Variants in ASB11 observed in about 807,000 individuals in gnomAD.
The protein encoded by ASB11 is ankyrin repeat and SOCS box containing 11.
ASB11 carries 17 observed loss-of-function variants against 20.1 expected under a neutral mutation model. That is an observed-to-expected ratio of 0.85 (90% CI 0.58 to 1.27). The LOEUF (loss-of-function observed/expected upper bound fraction) is 1.27, where lower values mean the gene tolerates loss of function less well. Ranked by LOEUF, ASB11 falls within the 50% of genes most tolerant of loss-of-function variation. The pLI is 0.00. For synonymous variants in ASB11, 107 were observed against 105.6 expected (o/e 1.01, Z -0.08); for missense variants, 259 against 256.9 (o/e 1.01, Z -0.06).
chrX:15,298,493 G>C (rs1920989307), intron 2 of ASB11, among the ~76,000 whole-genome samples: 1 of 111,522 alleles, frequency 9.0e-6, no homozygotes, highest in African/African-American at 3.3e-5. Flanking sequence ...TTCCAAACAA[G>C]GAGGGCATGT....
At position 15,302,734 on chromosome X, in the gene ASB11, A is replaced by AGTTC. The variant is rs1264924237; in HGVS notation, c.254_255insGAAC (p.Ile85MetfsTer14). On this transcript the variant is annotated frameshift_variant, in exon 2 of 7. Coordinates refer to ENST00000480796, the MANE Select transcript of ASB11 (RefSeq NM_080873.3). LOFTEE classifies it high-confidence loss of function. ...AAGTCTTCAGTTCACTTACTTGTGC[A>AGTTC]ATTAAAGTTTTAAGGGCCAGTAAGC... 1 of 1,200,847 alleles carries AGTTC rather than the reference A, an allele frequency of 8.3e-7. No individual in the cohort carries two copies. Among genetic ancestry groups the AGTTC allele is most frequent in the African/African-American group, 1.8e-5 (1 of 57,080 alleles).
At chrX:15,293,412 C>A in intron 3 of ASB11, 92 bp from the exon 4 acceptor site, 5 of 1,000,088 alleles carry the variant, frequency 5.0e-6, no homozygotes, top group Non-Finnish European at 6.8e-6. Context: ...TAGAGGAATT[C>A]CCCACGCTGG....
At position 15,297,446 on chromosome X, in the gene ASB11, T is replaced by C. The variant is rs758496883; in HGVS notation, c.369+128A>G. 211 of 460,298 alleles carry C rather than the reference T, an allele frequency of 4.6e-4. No individual in the cohort carries two copies. The South Asian group carries it at 0.01, about 23-fold the overall frequency. The allele number at this position is 460,298 out of a possible 1,213,427, so 37.9% of individuals were successfully genotyped here. A position where few individuals can be genotyped will look rare whatever the true frequency, so the allele number is the denominator to read the frequency against. On this transcript the variant is annotated intron_variant, in intron 3 of 6. Transcript: ENST00000480796. ...GAGAGGAGTAGCCTAAATGATGGAATACGGACATGGATAGAACCAGCCCAG... is the reference window on the plus strand; with the variant it reads ...GAGAGGAGTAGCCTAAATGATGGAACACGGACATGGATAGAACCAGCCCAG...
chrX:15,305,941 A>G (rs951200183), intron 1 of ASB11, among the ~76,000 whole-genome samples: 1 of 110,618 alleles, frequency 9.0e-6, no homozygotes, highest in African/African-American at 3.3e-5. Context: ...CCACCCTCCA[A>G]TAGGCCCCAG....
chrX:15,314,809 T>C (rs1469974104), intron 1 of ASB11, among the ~76,000 whole-genome samples: 1 of 110,760 alleles, frequency 9.0e-6, no homozygotes, highest in Non-Finnish European at 1.9e-5. Flanking sequence ...TTGAAAGAAA[T>C]GGACACTATT....
chrX:15,306,234 T>C (rs1016433273), intron 1 of ASB11, among the ~76,000 whole-genome samples: 1 of 112,512 alleles, frequency 8.9e-6, no homozygotes, highest in East Asian at 2.8e-4. Flanking sequence ...AATGAACATA[T>C]GCACGTATGT....
In ASB11 at chrX:15,282,966, GTATATATATACGTA is replaced by G. The variant is rs1416244482; in HGVS notation, c.*525_*538del. 4.9e-5 allele frequency: 5 copies of G among 101,702 alleles called. No homozygotes were observed. Among genetic ancestry groups the G allele is most frequent in the South Asian group, 4.2e-4 (1 of 2,367 alleles). 8.4% of individuals were successfully genotyped at this position (101,702 alleles called of 1,213,427 possible). On this transcript the variant is annotated 3_prime_UTR_variant, in exon 7 of 7. Coordinates refer to ENST00000480796, the MANE Select transcript of ASB11 (RefSeq NM_080873.3). ...AATATATGAGTGCATGTGTGTGTGT[GTATATATATACGTA>G]TATATATATACGTATATGTATGTAT...
intron 3 of ASB11, among the ~76,000 whole-genome samples, chrX:15,296,664 G>C (rs1343333833): frequency 8.9e-6 from 1 of 112,070 alleles, no homozygotes; most frequent in Non-Finnish European, 1.9e-5. Flanking sequence ...CGCTCATTTT[G>C]ATAATTTTGC....
At chrX:15,290,176 C>G (rs1927497349) in intron 4 of ASB11, among the ~76,000 whole-genome samples, 2 of 111,644 alleles carry the variant, frequency 1.8e-5, no homozygotes. Flanking sequence ...CACTCCAGCT[C>G]CTCTTTACAG....
intron 3 of ASB11, among the ~76,000 whole-genome samples, chrX:15,296,984 A>G (rs1238236216): frequency 8.9e-6 from 1 of 112,610 alleles, no homozygotes; most frequent in African/African-American, 3.2e-5. Flanking sequence ...CCACCAACAG[A>G]TGAATGCATA....
At chrX:15,283,694 CAG>C in intron 6 of ASB11, 65 bp from the exon 7 acceptor site, 1 of 1,156,136 alleles carries the variant, frequency 8.6e-7, no homozygotes, top group Non-Finnish European at 1.2e-6. Flanking sequence ...AGGGGGAAAT[CAG>C]AGAACTGGAA....
chrX:15,294,478 C>G, intron 3 of ASB11, among the ~76,000 whole-genome samples: 1 of 111,839 alleles, frequency 8.9e-6, no homozygotes, highest in Non-Finnish European at 1.9e-5. Flanking sequence ...TCAAATGATC[C>G]TCCTGCCTCA....
intron 6 of ASB11, among the ~76,000 whole-genome samples, chrX:15,283,985 G>A (rs912505806): frequency 4.5e-5 from 5 of 111,124 alleles, no homozygotes; most frequent in Admixed American, 9.6e-5. Flanking sequence ...AGGCACGGTG[G>A]CTCACGCCTG....
At chrX:15,311,830 A>G (rs1921438269) in intron 1 of ASB11, among the ~76,000 whole-genome samples, 1 of 110,931 alleles carries the variant, frequency 9.0e-6, no homozygotes, top group Non-Finnish European at 1.9e-5. Context: ...TTATATTTCC[A>G]TCTAGTGTGA....
intron 1 of ASB11, among the ~76,000 whole-genome samples, chrX:15,303,280 T>C (rs1182475469): frequency 9.0e-6 from 1 of 110,949 alleles, no homozygotes; most frequent in Non-Finnish European, 1.9e-5. Flanking sequence ...CTGGGCCGCA[T>C]TGGAAGGAGT....
intron 6 of ASB11, among the ~76,000 whole-genome samples, chrX:15,284,108 C>T (rs1391537583): frequency 3.3e-4 from 35 of 106,890 alleles, no homozygotes; most frequent in East Asian, 3.0e-4. Flanking sequence ...AAAAATTAGC[C>T]GGGTGTGGTG....
intron 1 of ASB11, among the ~76,000 whole-genome samples, chrX:15,311,479 G>A (rs1602200314): frequency 8.9e-6 from 1 of 112,318 alleles, no homozygotes; most frequent in Admixed American, 9.4e-5. Flanking sequence ...AGGCTAGGTC[G>A]AGGTTTGGGC....
At chrX:15,311,939 G>A (rs372714933) in intron 1 of ASB11, among the ~76,000 whole-genome samples, 8 of 111,842 alleles carry the variant, frequency 7.2e-5, no homozygotes, top group African/African-American at 2.6e-4. Context: ...TATGCACATT[G>A]TATGATCTTT....
At chrX:15,308,102 G>T (rs1324144653) in intron 1 of ASB11, among the ~76,000 whole-genome samples, 1 of 111,893 alleles carries the variant, frequency 8.9e-6, no homozygotes, top group East Asian at 2.8e-4. Flanking sequence ...GAAACAAGAG[G>T]GACAGGAAAG....
Sources: allele counts gnomAD v4.1 joint callset (sites outside exome capture counted in the v4.1 genomes callset), GRCh38; gene constraint gnomAD v4.1.1; transcripts MANE v1.5; gene names NCBI Gene and HGNC (gene_info 2026-07-23, HGNC 2026-07-21).